LIFR: variants seen among roughly 807,000 people sequenced by gnomAD.
LIFR encodes the protein leukemia inhibitory factor receptor.
Under a neutral mutation model 122.2 loss-of-function variants are expected in LIFR, and 84 were observed. That is an observed-to-expected ratio of 0.69 (90% CI 0.58 to 0.82). The LOEUF (loss-of-function observed/expected upper bound fraction) is 0.82. LIFR is among the 40% of genes least tolerant of loss of function. LIFR has a pLI of 0.00. For synonymous variants in LIFR, 422 were observed against 434.7 expected, an observed-to-expected ratio of 0.97 and a Z score of 0.36; for missense variants, 1,294 against 1,311.6, an observed-to-expected ratio of 0.99 and a Z score of 0.21.
chr5:38,593,108 C>T (rs1376361371), intron 1 of LIFR, among the ~76,000 whole-genome samples: 2 of 152,102 alleles, frequency 1.3e-5, no homozygotes, highest in Non-Finnish European at 2.9e-5. Flanking sequence ...GAGGCTGAGG[C>T]GGGAGAATCC....
At chr5:38,571,727 A>T (rs1749220098) in intron 1 of LIFR, among the ~76,000 whole-genome samples, 1 of 152,216 alleles carries the variant, frequency 6.6e-6, no homozygotes, top group African/African-American at 2.4e-5. Context: ...GTGAAAAAAT[A>T]TCCCATGGTC....
upstream of LIFR, chr5:38,558,782 G>A (rs1053958338): frequency 2.6e-5 from 4 of 152,152 alleles, no homozygotes; most frequent in African/African-American, 7.2e-5. Context: ...GTCAGATCGC[G>A]TGAGAATTCA....
rs907929720 is a variant in LIFR at position 38,478,316 on chromosome 5, GA to G, written c.*3278del. The G allele has an allele frequency of 2.0e-5, 4 of 204,758 alleles. No homozygotes were observed. The highest frequency in any genetic ancestry group is 9.1e-5 in the African/African-American group (4 of 43,720). 12.7% of individuals were successfully genotyped at this position (204,758 alleles called of 1,614,324 possible). ...GTAATCTTTCAGATCCACGAGCGGT[GA>G]AAGTAATGCTGGTTTGGAAAATGAG... On this transcript the variant is annotated 3_prime_UTR_variant, in exon 20 of 20. Coordinates refer to ENST00000453190, the MANE Select transcript of LIFR (RefSeq NM_001127671.2).
In LIFR at chr5:38,482,366, T is replaced by TCGGA. The variant is rs1437530857; in HGVS notation, c.2671-149_2671-148insTCCG. On this transcript the variant is annotated intron_variant, in intron 19 of 19. Coordinates refer to ENST00000453190, the MANE Select transcript of LIFR (RefSeq NM_001127671.2). ...ATTTCACACAACAGCACAGCCACTTTTTTCTTCCGTATCAGTATTTTCCTT... is the reference window on the plus strand; with the variant it reads ...ATTTCACACAACAGCACAGCCACTTTCGGATTTCTTCCGTATCAGTATTTTCCTT... 0.01 allele frequency: 7,671 copies of TCGGA among 739,816 alleles called. 377 individuals are homozygous for TCGGA. In the African/African-American group the frequency reaches 0.11, roughly 10 times the overall value. 45.8% of individuals were successfully genotyped at this position (739,816 alleles called of 1,614,324 possible).
At chr5:38,577,232 G>A (rs1040680140) in intron 1 of LIFR, among the ~76,000 whole-genome samples, 3 of 152,192 alleles carry the variant, frequency 2.0e-5, no homozygotes, top group African/African-American at 4.8e-5. Flanking sequence ...GGAGGAGGAT[G>A]TAGTGCTGAT....
At chr5:38,579,509 C>T (rs1484139596) in intron 1 of LIFR, 1 of 151,928 alleles carries the variant, frequency 6.6e-6, no homozygotes, top group Non-Finnish European at 1.5e-5. Context: ...TACATAATAC[C>T]CATCTCTAGA....
Position 38,493,730 on chromosome 5 carries a change from C to T in LIFR, c.1941G>A (p.Trp647Ter). The change falls in exon 14 of 20, where the codon TGG (tryptophan) becomes TGA (stop). Residue 647 changes from tryptophan to a stop codon, truncating the protein, a stop_gained. Coordinates refer to ENST00000453190, the MANE Select transcript of LIFR (RefSeq NM_001127671.2). LOFTEE classifies it high-confidence loss of function. ...CGCAAGTCATGTTGGGGTCGTAATG[C>T]CAGGTGAGGAGAATCCCCTTTCCCA... ...VGMGKGILLT[W>*]HYDPNMTCDY... is the part of the protein sequence containing the mutation. 1 of 1,614,036 alleles carries T rather than the reference C, an allele frequency of 6.2e-7. No individual in the cohort carries two copies. Among genetic ancestry groups the T allele is most frequent in the Non-Finnish European group, 8.5e-7 (1 of 1,179,980 alleles).
intron 1 of LIFR, among the ~76,000 whole-genome samples, chr5:38,553,660 ATATATATATATATT>A (rs1274092253): frequency 6.4e-5 from 7 of 109,854 alleles, no homozygotes; most frequent in South Asian, 2.7e-4. Flanking sequence ...ATATATATAT[ATATATATATATATT>A]ATATGTATGT....
At chr5:38,528,058 G>T (rs1746786048) in intron 3 of LIFR, among the ~76,000 whole-genome samples, 1 of 152,100 alleles carries the variant, frequency 6.6e-6, no homozygotes, top group Admixed American at 6.6e-5. Context: ...GGCTTCTTTA[G>T]GCATCAGCAA....
rs537818636 is a variant in LIFR at position 38,489,609 on chromosome 5, T to C, written c.2168-364A>G. On this transcript the variant is annotated intron_variant, in intron 15 of 19. Transcript: ENST00000453190. ...TAATAGTTTTTTAAACTTGTAAAAG[T>C]ACTAATTAAATATTTTTGACATCCA... Among the ~76,000 whole-genome samples the C allele has an allele frequency of 2.6e-5, 4 of 152,312 alleles. No homozygotes were observed. The South Asian group carries it at 8.3e-4, about 32-fold the overall frequency.
chr5:38,528,250 C>T (rs894863278), intron 3 of LIFR, among the ~76,000 whole-genome samples: 1 of 152,176 alleles, frequency 6.6e-6, no homozygotes, highest in Admixed American at 6.5e-5. Context: ...AGTGTCCACT[C>T]CCTTGCACAA....
chr5:38,507,834 A>C (rs1745577043), intron 7 of LIFR, among the ~76,000 whole-genome samples: 1 of 152,102 alleles, frequency 6.6e-6, no homozygotes, highest in African/African-American at 2.4e-5. Context: ...GGAAAATTTC[A>C]TACCTTCCCC....
intron 17 of LIFR, among the ~76,000 whole-genome samples, chr5:38,485,310 T>C (rs140478584): frequency 7.0e-4 from 106 of 152,340 alleles, no homozygotes; most frequent in African/African-American, 2.4e-3. Context: ...CATATCCTCA[T>C]GGCTCTTTAT....
At chr5:38,593,121 T>C (rs1376432964) in intron 1 of LIFR, among the ~76,000 whole-genome samples, 1 of 152,146 alleles carries the variant, frequency 6.6e-6, no homozygotes, top group Non-Finnish European at 1.5e-5. Flanking sequence ...GAGAATCCCT[T>C]GAACCCAGGA....
At chr5:38,504,176 C>T in intron 9 of LIFR, 55 bp from the exon 10 acceptor site, 2 of 1,190,452 alleles carry the variant, frequency 1.7e-6, no homozygotes, top group Non-Finnish European at 2.5e-6. Flanking sequence ...AAACTATCTT[C>T]TAATATGACA....
At chr5:38,557,775 A>G (rs1233777624), upstream of LIFR, 1 of 153,616 alleles carries the variant, frequency 6.5e-6, no homozygotes, top group Non-Finnish European at 1.5e-5. Flanking sequence ...GTAGACTCCC[A>G]AAACAAAAAT....
In LIFR at chr5:38,586,209, C is replaced by T. The variant is rs191739926; in HGVS notation, c.-20+9052G>A. Among the ~76,000 whole-genome samples, 752 of 152,292 alleles carry T rather than the reference C, an allele frequency of 4.9e-3. 17 individuals carry two copies. Among genetic ancestry groups the T allele is most frequent in the Admixed American group, 0.042 (644 of 15,290 alleles). ...AAAAGCCCCCATTTTAAAACATCGG[C>T]TCTGACCCATGACATAGCAACATTA... On this transcript the variant is annotated intron_variant, in intron 1 of 19. Transcript: ENST00000263409.
At chr5:38,557,269 G>A (rs1361924632), upstream of LIFR, 1 of 152,222 alleles carries the variant, frequency 6.6e-6, no homozygotes, top group East Asian at 1.9e-4. Flanking sequence ...CGGAGGCGGG[G>A]TGGGCTTATT....
At chr5:38,606,509 G>A (rs1418584142) in intron 1 of LIFR, among the ~76,000 whole-genome samples, 1 of 152,116 alleles carries the variant, frequency 6.6e-6, no homozygotes, top group Non-Finnish European at 1.5e-5. Flanking sequence ...TTTGGATGGG[G>A]TCAAATATTC....
Sources: gnomAD v4.1 joint callset for allele counts (sites outside exome capture counted in the v4.1 genomes callset) on GRCh38, gnomAD v4.1.1 for gene constraint, MANE v1.5 for transcripts, NCBI Gene and HGNC (gene_info 2026-07-23, HGNC 2026-07-21) for gene names.